C20orf96: variants seen among roughly 807,000 people sequenced by gnomAD.
C20orf96 encodes the protein uncharacterized protein C20orf96.
In C20orf96, 57 loss-of-function variants were observed where a neutral mutation model predicts 52.6. The ratio of observed to expected loss-of-function variants is 1.08; its 90% CI spans 0.88 to 1.35. The LOEUF (loss-of-function observed/expected upper bound fraction) is 1.35, where lower values mean the gene tolerates loss of function less well. C20orf96 is among the 40% of genes most tolerant of loss of function. The pLI is 0.00. For synonymous variants in C20orf96, 168 were observed against 157.2 expected (o/e 1.07, Z -0.51); for missense variants, 478 against 443.6 (o/e 1.08, Z -0.70).
intron 4 of C20orf96, among the ~76,000 whole-genome samples, chr20:281,970 C>CA (rs558685794): frequency 2.0e-5 from 3 of 152,330 alleles, no homozygotes; most frequent in South Asian, 4.1e-4. Flanking sequence ...CTGTCTCAAT[C>CA]AGTCAATGTG....
intron 10 of C20orf96, among the ~76,000 whole-genome samples, chr20:275,080 T>C (rs1034921480): frequency 6.6e-6 from 1 of 152,164 alleles, no homozygotes; most frequent in Non-Finnish European, 1.5e-5. Flanking sequence ...GCCTCCCAAA[T>C]TGCTGGGATT....
intron 4 of C20orf96, among the ~76,000 whole-genome samples, chr20:280,916 A>T (rs1459932772): frequency 6.6e-6 from 1 of 152,188 alleles, no homozygotes; most frequent in Non-Finnish European, 1.5e-5. Context: ...ACACTTTGCG[A>T]GGCCCAGATG....
intron 4 of C20orf96, among the ~76,000 whole-genome samples, chr20:282,648 A>T (rs1242574064): frequency 6.6e-6 from 1 of 152,232 alleles, no homozygotes; most frequent in Non-Finnish European, 1.5e-5. Context: ...AGGCGGGCAG[A>T]TCACCTAAGG....
At chr20:290,367 A>T in intron 1 of C20orf96, 60 bp from the exon 2 acceptor site, 2 of 1,595,900 alleles carry the variant, frequency 1.3e-6, no homozygotes, top group South Asian at 2.2e-5. Context: ...GGCAGCAAGC[A>T]GCAATTCGAA....
At chr20:286,268 G>A (rs1026547380) in intron 3 of C20orf96, among the ~76,000 whole-genome samples, 5 of 152,178 alleles carry the variant, frequency 3.3e-5, no homozygotes, top group African/African-American at 1.2e-4. Context: ...TGTAATCCCA[G>A]CACTTTGGGA....
intron 10 of C20orf96, among the ~76,000 whole-genome samples, chr20:273,886 G>GAAGGAAGA (rs1191337332): frequency 3.5e-5 from 2 of 56,720 alleles, no homozygotes; most frequent in Non-Finnish European, 5.3e-5. Context: ...CAAGAAGAAG[G>GAAGGAAGA]AAGGAAGAAA....
chr20:288,564 C>T (rs1009090026), intron 3 of C20orf96, among the ~76,000 whole-genome samples: 3 of 152,186 alleles, frequency 2.0e-5, no homozygotes, highest in African/African-American at 7.2e-5. Flanking sequence ...CACTCCCCTC[C>T]CCCAGCCTAC....
At chr20:271,524 A>G (rs513522) in intron 10 of C20orf96, among the ~76,000 whole-genome samples, 54,048 of 151,902 alleles carry the variant, frequency 0.36, 10,991 homozygotes, top group African/African-American at 0.57. Flanking sequence ...TTGGCAGGAC[A>G]AATGTTCCCC....
intron 5 of C20orf96, among the ~76,000 whole-genome samples, chr20:278,833 A>C (rs1036219816): frequency 7.1e-6 from 1 of 140,836 alleles, no homozygotes; most frequent in African/African-American, 2.7e-5. Context: ...TGCAAAGCCC[A>C]GGTGAGGGGA....
At position 277,208 on chromosome 20, in the gene C20orf96, G is replaced by A. The variant is rs1174190110; in HGVS notation, c.723+18C>T. 1 of 1,613,968 alleles carries A rather than the reference G, an allele frequency of 6.2e-7. No homozygotes were observed. The highest frequency in any genetic ancestry group is 1.7e-5 in the Admixed American group (1 of 60,018). ...CCTCCCACACAGTCTGGTGGGAGAG[G>A]GGCAGGGGCTCCCCTACCTGCTGGC... On this transcript the variant is annotated intron_variant, in intron 7 of 10. Transcript: ENST00000360321.
At chr20:282,721 A>T (rs1377639887) in intron 4 of C20orf96, among the ~76,000 whole-genome samples, 4 of 152,046 alleles carry the variant, frequency 2.6e-5, no homozygotes, top group African/African-American at 9.7e-5. Context: ...CAATACAAAA[A>T]ATTAGCTGGG....
intron 3 of C20orf96, among the ~76,000 whole-genome samples, chr20:284,780 T>G (rs1353922341): frequency 2.6e-5 from 4 of 152,122 alleles, no homozygotes; most frequent in Non-Finnish European, 5.9e-5. Context: ...TCGTTTGAAC[T>G]CGGGAGGCGG....
At chr20:276,480 G>A in intron 9 of C20orf96, 1 of 985,460 alleles carries the variant, frequency 1.0e-6, no homozygotes, top group Non-Finnish European at 1.2e-6. Context: ...ATAATGGGTG[G>A]TGGGCAGTAA....
Position 290,685 on chromosome 20 carries a change from TC to T in C20orf96, c.-76del. ...GTATAACTACTCGGCTTTTCCAACT[TC>T]CTTGTCTCAGTGTAGATCGCGCGGT... On this transcript the variant is annotated 5_prime_UTR_variant, in exon 1 of 11. Transcript: ENST00000360321. 1 of 1,587,576 alleles carries T rather than the reference TC, an allele frequency of 6.3e-7. No homozygotes were observed. Among genetic ancestry groups the T allele is most frequent in the Non-Finnish European group, 8.6e-7 (1 of 1,159,332 alleles).
rs1179382961 is a variant in C20orf96, at chr20:279,331, C to A, written c.307-1G>T. The A allele has an allele frequency of 1.3e-6, 2 of 1,595,540 alleles. No homozygotes were observed. Among genetic ancestry groups the A allele is most frequent in the South Asian group, 2.2e-5 (2 of 90,408 alleles). On this transcript the variant is annotated splice_acceptor_variant, in intron 4 of 10. Transcript: ENST00000360321. LOFTEE classifies it high-confidence loss of function. ...CGGCCCTCCCGCTCCTGAGCGAGGT[C>A]TGCGGGCGGAGGGAAGAGCAGAGAG...
chr20:279,203 C>T lies in C20orf96; in HGVS notation c.434G>A (p.Arg145Gln), dbSNP rs761734222. 5 of 1,605,240 alleles carry T rather than the reference C, an allele frequency of 3.1e-6. No homozygotes were observed. Among genetic ancestry groups the T allele is most frequent in the South Asian group, 1.1e-5 (1 of 90,740 alleles). The change falls in exon 5 of 11, where the codon CGG (arginine) becomes CAG (glutamine). Residue 145 changes from arginine to glutamine, a missense_variant. Arg to Gln is a conservative substitution (Grantham distance 43). Coordinates refer to ENST00000360321, the MANE Select transcript of C20orf96 (RefSeq NM_153269.3). ...GGTGTCCTGCTGCTGCAGCAGGGCC[C>T]GCACGTGCAGGGTCGTGCTGTTCTC... is the stretch of plus-strand genomic sequence containing the variant. ...EMENSTTLHVRALLQQQDTLA... is the reference protein window; with the variant it reads ...EMENSTTLHVQALLQQQDTLA...
chr20:285,174 G>T (rs2122308956), intron 3 of C20orf96, among the ~76,000 whole-genome samples: 1 of 152,306 alleles, frequency 6.6e-6, no homozygotes, highest in South Asian at 2.1e-4. Flanking sequence ...AACTCCAACT[G>T]GCTGTCTCTG....
rs2012034180 is a variant in C20orf96 at position 276,674 on chromosome 20, C to A, written c.912+119G>T. ...GCACCGGCAAGGAGGGAGGCCAACA[C>A]CAGAGTCAGAGACCTCCTGAGCGCC... On this transcript the variant is annotated intron_variant, in intron 9 of 10. Coordinates refer to ENST00000360321, the MANE Select transcript of C20orf96 (RefSeq NM_153269.3). The A allele has an allele frequency of 2.7e-6, 4 of 1,501,080 alleles. No individual in the cohort carries two copies. In the South Asian group the frequency reaches 5.2e-5, roughly 20 times the overall value. The allele number at this position is 1,501,080 out of a possible 1,614,324, so 93.0% of individuals were successfully genotyped here. A position where few individuals can be genotyped will look rare whatever the true frequency, so the allele number is the denominator to read the frequency against.
chr20:284,739 C>A (rs373312284), intron 3 of C20orf96, among the ~76,000 whole-genome samples: 114 of 152,330 alleles, frequency 7.5e-4, no homozygotes, highest in African/African-American at 2.7e-3. Context: ...CGCCTGTAAT[C>A]CCAGCTACTT....
Sources: gnomAD v4.1 joint callset for allele counts (sites outside exome capture counted in the v4.1 genomes callset) on GRCh38, gnomAD v4.1.1 for gene constraint, MANE v1.5 for transcripts, NCBI Gene and HGNC (gene_info 2026-07-23, HGNC 2026-07-21) for gene names.